ERC2: variants seen among roughly 807,000 people sequenced by gnomAD.
The protein encoded by ERC2 is ELKS/RAB6-interacting/CAST family member 2.
A neutral mutation model predicts 114.8 loss-of-function variants in ERC2; 42 were observed. The observed-to-expected ratio is 0.37, with a 90% confidence interval of 0.29 to 0.47. The LOEUF (loss-of-function observed/expected upper bound fraction) is 0.47. Among genes scored for constraint, ERC2 ranks in the 20% least tolerant of loss-of-function variants. ERC2 has a pLI of 0.99. For missense variants in ERC2, 939 were observed against 1,150.7 expected (o/e 0.82, Z 2.66); for synonymous variants, 454 against 425.5 (o/e 1.07, Z -0.82).
At chr3:55,777,123 T>C (rs558034273) in intron 14 of ERC2, among the ~76,000 whole-genome samples, 1 of 152,164 alleles carries the variant, frequency 6.6e-6, no homozygotes, top group South Asian at 2.1e-4. Context: ...AAAAGGAACA[T>C]ATGATTTCTC....
At chr3:55,745,450 G>A (rs539901703) in intron 14 of ERC2, among the ~76,000 whole-genome samples, 1 of 152,350 alleles carries the variant, frequency 6.6e-6, no homozygotes, top group Non-Finnish European at 1.5e-5. Context: ...AATCTAGGAA[G>A]CAGGGAGGGT....
intron 17 of ERC2, among the ~76,000 whole-genome samples, chr3:55,662,461 G>C (rs1405929640): frequency 6.6e-6 from 1 of 152,216 alleles, no homozygotes; most frequent in Non-Finnish European, 1.5e-5. Context: ...AGTGAAAAAT[G>C]CAAATCACAG....
At chr3:56,223,759 C>T (rs1190025085) in intron 3 of ERC2, among the ~76,000 whole-genome samples, 2 of 152,120 alleles carry the variant, frequency 1.3e-5, no homozygotes. Flanking sequence ...TCTTAGGATC[C>T]TTATTCTCTG....
intron 2 of ERC2, among the ~76,000 whole-genome samples, chr3:56,398,586 T>C (rs1280225249): frequency 6.6e-6 from 1 of 151,940 alleles, no homozygotes; most frequent in East Asian, 1.9e-4. Flanking sequence ...TACACATACA[T>C]ATACATATAT....
At chr3:55,876,032 A>G (rs2062820670) in intron 14 of ERC2, among the ~76,000 whole-genome samples, 1 of 152,210 alleles carries the variant, frequency 6.6e-6, no homozygotes. Flanking sequence ...GCAGCCAGCA[A>G]GAAGCAAAGT....
intron 17 of ERC2, among the ~76,000 whole-genome samples, chr3:55,528,170 T>C (rs2053449234): frequency 6.6e-6 from 1 of 152,172 alleles, no homozygotes; most frequent in Admixed American, 6.6e-5. Flanking sequence ...ACCAACAGGT[T>C]CCTTTAGAAC....
At chr3:56,242,386 A>G (rs1329973522) in intron 3 of ERC2, among the ~76,000 whole-genome samples, 2 of 152,314 alleles carry the variant, frequency 1.3e-5, no homozygotes, top group East Asian at 3.9e-4. Context: ...TGACGGGTAT[A>G]CCAAAATCTC....
intron 14 of ERC2, among the ~76,000 whole-genome samples, chr3:55,752,383 C>T (rs1470366437): frequency 6.6e-6 from 1 of 152,162 alleles, no homozygotes; most frequent in Admixed American, 6.5e-5. Context: ...TGTACCTTGG[C>T]CATGGTAGAA....
intron 2 of ERC2, among the ~76,000 whole-genome samples, chr3:56,360,808 TGA>T (rs2058928442): frequency 6.6e-6 from 1 of 152,128 alleles, no homozygotes; most frequent in South Asian, 2.1e-4. Flanking sequence ...CTCAGGAGGC[TGA>T]GATAGGAGAA....
chr3:56,142,854 T>C (rs2080939501), intron 5 of ERC2, among the ~76,000 whole-genome samples: 1 of 151,914 alleles, frequency 6.6e-6, no homozygotes, highest in Non-Finnish European at 1.5e-5. Context: ...TTTTTGGAAC[T>C]TTATCTGAAA....
intron 2 of ERC2, among the ~76,000 whole-genome samples, chr3:56,298,976 G>A (rs891034166): frequency 6.6e-6 from 1 of 152,164 alleles, no homozygotes; most frequent in East Asian, 1.9e-4. Flanking sequence ...AGGAGTATCC[G>A]CAGCCTTCAG....
intron 12 of ERC2, among the ~76,000 whole-genome samples, chr3:55,967,715 T>TGG (rs1233773323): frequency 1.3e-5 from 2 of 152,138 alleles, no homozygotes; most frequent in African/African-American, 4.8e-5. Flanking sequence ...TGCTGGAAGG[T>TGG]GGGGGCCTAA....
chr3:56,109,122 C>T (rs9870989), intron 6 of ERC2, among the ~76,000 whole-genome samples: 26,083 of 151,946 alleles, frequency 0.17, 2,450 homozygotes, highest in African/African-American at 0.23. Context: ...CGCCCAGGTA[C>T]TAAGCCTAGT....
chr3:56,258,861 C>T (rs1456456291), intron 3 of ERC2, among the ~76,000 whole-genome samples: 2 of 152,118 alleles, frequency 1.3e-5, no homozygotes, highest in Admixed American at 1.3e-4. Context: ...GATTTATTTT[C>T]ATTTTACCCC....
chr3:55,699,402 G>A lies in ERC2; in HGVS notation c.2823C>T (p.Ser941=), dbSNP rs770490093. 2 of 1,613,842 alleles carry A rather than the reference G, an allele frequency of 1.2e-6. No individual in the cohort carries two copies. Among genetic ancestry groups the A allele is most frequent in the Admixed American group, 3.3e-5 (2 of 60,010 alleles). ...HHRSPGRSQH[S]NHRPSPDQDD... ...CCTGGTCCGGAGAGGGCCTGTGATT[G>A]GAATGTTGCGACCTCCCAGGAGATC... Residue 941 remains serine (S), a synonymous_variant, in exon 16 of 18, where the codon TCC becomes TCT. Coordinates refer to ENST00000288221, the MANE Select transcript of ERC2 (RefSeq NM_015576.3).
intron 2 of ERC2, among the ~76,000 whole-genome samples, chr3:56,419,441 A>T (rs1362141181): frequency 1.3e-5 from 2 of 152,222 alleles, no homozygotes; most frequent in Admixed American, 1.3e-4. Flanking sequence ...CTTTCAAGGT[A>T]ACTTATTCCT....
At position 56,276,077 on chromosome 3, in the gene ERC2, A is replaced by AGG. The variant is rs2053970505; in HGVS notation, c.1074+19941_1074+19942insCC. Among the ~76,000 whole-genome samples the AGG allele has an allele frequency of 3.5e-4, 53 of 152,280 alleles. 1 individual carries two copies. The highest frequency in any genetic ancestry group is 3.5e-3 in the Admixed American group (53 of 15,292). On this transcript the variant is annotated intron_variant, in intron 3 of 17. Transcript: ENST00000288221. ...CTAGTACTTAAGAAATTCTCCATAAAGCCTGATAGAAATGTTGATGCCATG... is the reference window on the plus strand; with the variant it reads ...CTAGTACTTAAGAAATTCTCCATAAAGGGCCTGATAGAAATGTTGATGCCATG...
At chr3:55,746,391 G>A (rs1244607162) in intron 14 of ERC2, among the ~76,000 whole-genome samples, 1 of 152,000 alleles carries the variant, frequency 6.6e-6, no homozygotes, top group Non-Finnish European at 1.5e-5. Context: ...GCACCACCAT[G>A]CCCAGTTAAT....
At chr3:56,151,849 A>G (rs1315987073) in intron 4 of ERC2, among the ~76,000 whole-genome samples, 1 of 152,216 alleles carries the variant, frequency 6.6e-6, no homozygotes, top group East Asian at 1.9e-4. Context: ...AAAAATACAT[A>G]TATGAAGACA....
Sources: gnomAD v4.1 joint callset for allele counts (sites outside exome capture counted in the v4.1 genomes callset) on GRCh38, gnomAD v4.1.1 for gene constraint, MANE v1.5 for transcripts, NCBI Gene and HGNC (gene_info 2026-07-23, HGNC 2026-07-21) for gene names.